ELOVL2: variants seen among roughly 807,000 people sequenced by gnomAD.
ELOVL2 encodes very long chain fatty acid elongase 2.
ELOVL2 carries 38 observed loss-of-function variants against 37.7 expected under a neutral mutation model. The ratio of observed to expected loss-of-function variants is 1.01; its 90% CI spans 0.78 to 1.32. The LOEUF (loss-of-function observed/expected upper bound fraction) is 1.32, where lower values mean the gene tolerates loss of function less well. ELOVL2 is among the 40% of genes most tolerant of loss of function. ELOVL2 has a pLI of 0.00. For synonymous variants in ELOVL2, 115 were observed against 122.3 expected, an observed-to-expected ratio of 0.94 and a Z score of 0.40; for missense variants, 352 against 363.6, an observed-to-expected ratio of 0.97 and a Z score of 0.26.
intron 7 of ELOVL2, among the ~76,000 whole-genome samples, chr6:10,984,406 A>AT (rs1197771175): frequency 3.3e-5 from 5 of 151,924 alleles, no homozygotes; most frequent in Admixed American, 2.0e-4. Context: ...CATGTGCACA[A>AT]TGTGCAGGTT....
intron 2 of ELOVL2, among the ~76,000 whole-genome samples, chr6:11,006,177 G>C (rs1046676070): frequency 2.0e-5 from 3 of 152,222 alleles, no homozygotes; most frequent in African/African-American, 7.2e-5. Context: ...TAGGATGACC[G>C]TGCAGCAAGC....
rs532912391 is a variant in ELOVL2 at position 11,043,233 on chromosome 6, C to T, written c.3+995G>A. Reference sequence around the variant, plus strand: ...GTCCTGAAGTGGAGAGAAAACCCTACGGGAAGGGGGTGAGGCAAACACTGA... The same window carrying T: ...GTCCTGAAGTGGAGAGAAAACCCTATGGGAAGGGGGTGAGGCAAACACTGA... On this transcript the variant is annotated intron_variant, in intron 1 of 7. Transcript: ENST00000354666. 1.2e-4 allele frequency among the ~76,000 whole-genome samples: 18 copies of T among 152,150 alleles called. 1 individual carries two copies. In the South Asian group the frequency reaches 3.7e-3, roughly 32 times the overall value.
chr6:11,005,415 T>C lies in ELOVL2; in HGVS notation c.212A>G (p.Tyr71Cys). 2 of 1,614,096 alleles carry C rather than the reference T, an allele frequency of 1.2e-6. No individual in the cohort carries two copies. The highest frequency in any genetic ancestry group is 1.7e-6 in the Non-Finnish European group (2 of 1,179,990). ...ALSLRGILTL[Y>C]NLGITLLSAY... Reference sequence around the variant, plus strand: ...GGAGAGAAGTGTGATTCCAAGATTATACAAGGTGAGGATACCCCTGAGAGA... The same window carrying C: ...GGAGAGAAGTGTGATTCCAAGATTACACAAGGTGAGGATACCCCTGAGAGA... The change falls in exon 3 of 8, where the codon TAT (tyrosine) becomes TGT (cysteine). Residue 71 changes from tyrosine (Y) to cysteine (C), a missense_variant. Physicochemically the swap from Tyr to Cys is radical, Grantham distance 194. Coordinates refer to ENST00000354666, the MANE Select transcript of ELOVL2 (RefSeq NM_017770.4).
intron 3 of ELOVL2, among the ~76,000 whole-genome samples, chr6:11,005,049 T>C (rs1581868236): frequency 6.6e-6 from 1 of 151,972 alleles, no homozygotes; most frequent in South Asian, 2.1e-4. Flanking sequence ...ATCCCAGCTA[T>C]TCAGGAGGCT....
chr6:11,044,203 G>A lies in ELOVL2; in HGVS notation c.3+25C>T. 1 of 1,451,654 alleles carries A rather than the reference G, an allele frequency of 6.9e-7. No individual in the cohort carries two copies. The highest frequency in any genetic ancestry group is 1.4e-5 in the South Asian group (1 of 72,232). The allele number at this position is 1,451,654 out of a possible 1,614,324, so 89.9% of individuals were successfully genotyped here. A position where few individuals can be genotyped will look rare whatever the true frequency, so the allele number is the denominator to read the frequency against. ...GAGAGAAAGAAAGCGCGGCGGTGTC[G>A]GTGGCGGCGCGCGGCCCCACTCACC... On this transcript the variant is annotated intron_variant, in intron 1 of 7. Coordinates refer to ENST00000354666, the MANE Select transcript of ELOVL2 (RefSeq NM_017770.4). The surrounding 1 kb of genome is among the most constrained non-coding windows in gnomAD (Gnocchi z 5.6).
chr6:11,038,739 G>A (rs1281428474), intron 1 of ELOVL2, among the ~76,000 whole-genome samples: 7 of 152,112 alleles, frequency 4.6e-5, no homozygotes, highest in Non-Finnish European at 1.0e-4. Flanking sequence ...TAAATATGCT[G>A]TAGGAATACA....
intron 1 of ELOVL2, among the ~76,000 whole-genome samples, chr6:11,020,416 A>G (rs879807150): frequency 3.3e-5 from 5 of 152,240 alleles, no homozygotes; most frequent in Non-Finnish European, 5.9e-5. Flanking sequence ...AATTGGCAAT[A>G]AGCGTTTGGA....
At chr6:11,028,286 G>A (rs993590041) in intron 1 of ELOVL2, among the ~76,000 whole-genome samples, 1 of 152,190 alleles carries the variant, frequency 6.6e-6, no homozygotes, top group African/African-American at 2.4e-5. Flanking sequence ...CTAGAACACT[G>A]TTTCCCTCAT....
intron 1 of ELOVL2, among the ~76,000 whole-genome samples, chr6:11,042,555 A>G (rs1038792234): frequency 2.6e-5 from 4 of 151,838 alleles, no homozygotes; most frequent in African/African-American, 9.7e-5. Context: ...ATTCCTACCT[A>G]TACTTTAGGA....
intron 1 of ELOVL2, among the ~76,000 whole-genome samples, chr6:11,031,010 C>T (rs191726387): frequency 3.9e-5 from 6 of 152,180 alleles, no homozygotes; most frequent in Admixed American, 2.0e-4. Context: ...TAGTTTTGTA[C>T]GTTTTAAGGA....
At chr6:11,039,301 G>A (rs1052901341) in intron 1 of ELOVL2, among the ~76,000 whole-genome samples, 1 of 152,222 alleles carries the variant, frequency 6.6e-6, no homozygotes, top group African/African-American at 2.4e-5. Context: ...AGTGCCTTTC[G>A]TTTTCTCCCT....
At chr6:11,009,097 C>G (rs1258723231) in intron 2 of ELOVL2, among the ~76,000 whole-genome samples, 1 of 152,188 alleles carries the variant, frequency 6.6e-6, no homozygotes, top group Non-Finnish European at 1.5e-5. Flanking sequence ...GTTCCCAGAA[C>G]TGTAATAAAC....
At chr6:10,989,572 G>A in intron 7 of ELOVL2, 131 bp downstream of exon 7, 1 of 808,906 alleles carries the variant, frequency 1.2e-6, no homozygotes, top group Non-Finnish European at 1.9e-6. Flanking sequence ...CCAGAAGGCG[G>A]AGGTTGCAGT....
chr6:11,028,428 G>T (rs966832241), intron 1 of ELOVL2, among the ~76,000 whole-genome samples: 3 of 152,092 alleles, frequency 2.0e-5, no homozygotes, highest in Non-Finnish European at 4.4e-5. Flanking sequence ...TCTGTGGTTG[G>T]GTGGCTTCCG....
chr6:11,001,983 G>T (rs1782394520), intron 3 of ELOVL2, among the ~76,000 whole-genome samples: 1 of 152,138 alleles, frequency 6.6e-6, no homozygotes. Context: ...TCTCCTAACT[G>T]GACTTTTGCT....
In ELOVL2 at chr6:10,983,142, TA is replaced by T. The variant is rs1377518421; in HGVS notation, c.*638del. On this transcript the variant is annotated 3_prime_UTR_variant, in exon 8 of 8. Coordinates refer to ENST00000354666, the MANE Select transcript of ELOVL2 (RefSeq NM_017770.4). ...AGCATTTTTTTCTCCTTAGAATAAC[TA>T]ATATTTAAAATAAATACCAATTTCA... is the stretch of plus-strand genomic sequence containing the variant. 6.6e-6 allele frequency: 1 copy of T among 152,218 alleles called. No individual in the cohort carries two copies. The highest frequency in any genetic ancestry group is 1.5e-5 in the Non-Finnish European group (1 of 68,038). The allele number at this position is 152,218 out of a possible 1,614,324, so 9.4% of individuals were successfully genotyped here.
At chr6:10,998,910 C>T (rs1434129973) in intron 4 of ELOVL2, among the ~76,000 whole-genome samples, 1 of 152,156 alleles carries the variant, frequency 6.6e-6, no homozygotes, top group Non-Finnish European at 1.5e-5. Flanking sequence ...CAATTTGAAT[C>T]TATCATTAAT....
At chr6:11,040,791 T>C (rs2113571617) in intron 1 of ELOVL2, among the ~76,000 whole-genome samples, 1 of 152,228 alleles carries the variant, frequency 6.6e-6, no homozygotes, top group African/African-American at 2.4e-5. Context: ...TCATATTTGT[T>C]CCTCCCGAAA....
intron 1 of ELOVL2, chr6:11,043,947 G>T: frequency 3.4e-6 from 1 of 297,708 alleles, no homozygotes; most frequent in Non-Finnish European, 6.2e-6. Context: ...GACTGGGCGC[G>T]AGCGGGCGCC....
Sources: gnomAD v4.1 joint callset for allele counts (sites outside exome capture counted in the v4.1 genomes callset) on GRCh38, gnomAD v4.1.1 for gene constraint, Gnocchi (gnomAD v3.1) non-coding constraint, MANE v1.5 for transcripts, NCBI Gene and HGNC (gene_info 2026-07-23, HGNC 2026-07-21) for gene names.